Variants in IGF2BP3 observed in about 807,000 individuals in gnomAD.
IGF2BP3 encodes the protein insulin like growth factor 2 mRNA binding protein 3.
IGF2BP3 carries 9 observed loss-of-function variants against 73.8 expected under a neutral mutation model. The observed-to-expected ratio is 0.12, with a 90% CI of 0.07 to 0.21. IGF2BP3 has a LOEUF of 0.21. Ranked by LOEUF, IGF2BP3 falls within the 10% of genes least tolerant of loss-of-function variation. IGF2BP3 has a pLI of 1.00. For missense variants in IGF2BP3, 542 were observed against 714.0 expected (o/e 0.76, Z 2.75); for synonymous variants, 258 against 256.7 (o/e 1.01, Z -0.05).
intron 12 of IGF2BP3, among the ~76,000 whole-genome samples, chr7:23,316,798 T>C (rs187804488): frequency 2.0e-5 from 3 of 151,896 alleles, no homozygotes; most frequent in Admixed American, 2.0e-4. Context: ...GGAGAAATCA[T>C]ACACTAAAAG....
At chr7:23,388,752 G>A (rs773022524) in intron 3 of IGF2BP3, among the ~76,000 whole-genome samples, 7 of 151,662 alleles carry the variant, frequency 4.6e-5, no homozygotes, top group African/African-American at 7.3e-5. Flanking sequence ...AATCTCAAAT[G>A]TCTTTAGTTT....
At chr7:23,322,051 G>T (rs970989553) in intron 10 of IGF2BP3, among the ~76,000 whole-genome samples, 1 of 152,220 alleles carries the variant, frequency 6.6e-6, no homozygotes, top group Non-Finnish European at 1.5e-5. Flanking sequence ...TTCCTCACCA[G>T]CAACAGAGCA....
At chr7:23,411,427 C>A (rs552444977) in intron 3 of IGF2BP3, among the ~76,000 whole-genome samples, 1 of 152,170 alleles carries the variant, frequency 6.6e-6, no homozygotes, top group Admixed American at 6.6e-5. Flanking sequence ...ACTAAAAATA[C>A]AAAAATTATC....
chr7:23,440,454 T>G (rs1787905739), intron 2 of IGF2BP3, among the ~76,000 whole-genome samples: 1 of 152,158 alleles, frequency 6.6e-6, no homozygotes, highest in South Asian at 2.1e-4. Flanking sequence ...GCTTTATAAT[T>G]TGAAAAATCA....
chr7:23,463,596 C>A (rs1328147114), intron 2 of IGF2BP3, among the ~76,000 whole-genome samples: 3 of 152,256 alleles, frequency 2.0e-5, no homozygotes, highest in South Asian at 2.1e-4. Context: ...TGGCATCTGG[C>A]CTGAAAAGAG....
chr7:23,311,186 C>G lies in IGF2BP3; in HGVS notation c.*1176G>C, dbSNP rs1378542442. ...TAGTGAGGCTCATGACAGTGCTGGC[C>G]CCATGGAAATGTAGCCTTTTGTTGC... On this transcript the variant is annotated 3_prime_UTR_variant, in exon 15 of 15. Transcript: ENST00000258729. 1 of 151,914 alleles carries G rather than the reference C, an allele frequency of 6.6e-6. No homozygotes were observed. Among genetic ancestry groups the G allele is most frequent in the African/African-American group, 2.4e-5 (1 of 41,320 alleles). 9.4% of individuals were successfully genotyped at this position (151,914 alleles called of 1,614,324 possible). A position where few individuals can be genotyped will look rare whatever the true frequency, so the allele number is the denominator to read the frequency against.
intron 3 of IGF2BP3, among the ~76,000 whole-genome samples, chr7:23,395,096 C>A (rs1786408343): frequency 6.6e-6 from 1 of 152,146 alleles, no homozygotes; most frequent in Admixed American, 6.6e-5. Flanking sequence ...AATTTCACAG[C>A]CATAAGGAGC....
At chr7:23,432,828 T>C (rs547913088) in intron 2 of IGF2BP3, among the ~76,000 whole-genome samples, 1 of 152,300 alleles carries the variant, frequency 6.6e-6, no homozygotes, top group South Asian at 2.1e-4. Flanking sequence ...TTTCATAAGC[T>C]GTGGTTTCAC....
intron 2 of IGF2BP3, among the ~76,000 whole-genome samples, chr7:23,435,167 C>T (rs977321786): frequency 7.3e-5 from 11 of 151,352 alleles, no homozygotes; most frequent in East Asian, 4.0e-4. Context: ...GTGGCGGGTA[C>T]GTGTAGTCCC....
intron 2 of IGF2BP3, among the ~76,000 whole-genome samples, chr7:23,456,821 G>A (rs937543221): frequency 1.3e-5 from 2 of 151,742 alleles, no homozygotes; most frequent in South Asian, 2.1e-4. Flanking sequence ...AGGCCGCGGC[G>A]AGGGGATCAC....
At chr7:23,348,869 CAG>C (rs1300376592) in intron 6 of IGF2BP3, among the ~76,000 whole-genome samples, 1 of 152,134 alleles carries the variant, frequency 6.6e-6, no homozygotes, top group Non-Finnish European at 1.5e-5. Flanking sequence ...GGTTAAATAA[CAG>C]TATATTCATA....
chr7:23,460,869 T>G (rs897819170), intron 2 of IGF2BP3, among the ~76,000 whole-genome samples: 13 of 152,042 alleles, frequency 8.6e-5, no homozygotes, highest in Non-Finnish European at 1.6e-4. Context: ...GAGGACCTCT[T>G]GAACCCGGGA....
intron 2 of IGF2BP3, among the ~76,000 whole-genome samples, chr7:23,437,915 G>A (rs1336144371): frequency 6.6e-6 from 1 of 152,162 alleles, no homozygotes; most frequent in African/African-American, 2.4e-5. Context: ...TTTAACCAAA[G>A]TCAAAACGCA....
At position 23,324,247 on chromosome 7, in the gene IGF2BP3, C is replaced by T. The variant is rs1364720260; in HGVS notation, c.1204-4993G>A. On this transcript the variant is annotated intron_variant, in intron 10 of 14. Coordinates refer to ENST00000258729, the MANE Select transcript of IGF2BP3 (RefSeq NM_006547.3). ...AAAATGATAAAGGGGATATCACCAC[C>T]GATCCCACAGAAATACAAACTACCA... Among the ~76,000 whole-genome samples the T allele has an allele frequency of 1.1e-3, 169 of 150,332 alleles. No individual in the cohort carries two copies. In the East Asian group the frequency reaches 0.021, roughly 19 times the overall value.
chr7:23,349,454 C>A (rs7796541), intron 6 of IGF2BP3, among the ~76,000 whole-genome samples: 55,452 of 152,014 alleles, frequency 0.36, 10,327 homozygotes, highest in Middle Eastern at 0.45. Flanking sequence ...GAGTCATCTT[C>A]CCGGCTGCTG....
intron 9 of IGF2BP3, among the ~76,000 whole-genome samples, chr7:23,342,990 T>C (rs916229427): frequency 1.2e-4 from 18 of 152,328 alleles, no homozygotes; most frequent in African/African-American, 3.8e-4. Flanking sequence ...AGGTTTTGTG[T>C]TTCAGATGAC....
chr7:23,311,588 G>A lies in IGF2BP3; in HGVS notation c.*774C>T, dbSNP rs146026039. On this transcript the variant is annotated 3_prime_UTR_variant, in exon 15 of 15. Coordinates refer to ENST00000258729, the MANE Select transcript of IGF2BP3 (RefSeq NM_006547.3). ...TGAACATTTGATTTAACTAATAACT[G>A]TGTCAAAAGCCTCAAAAAACCCTGA... 1 of 152,324 alleles carries A rather than the reference G, an allele frequency of 6.6e-6. No homozygotes were observed. Among genetic ancestry groups the A allele is most frequent in the East Asian group, 1.9e-4 (1 of 5,190 alleles). The allele number at this position is 152,324 out of a possible 1,614,324, so 9.4% of individuals were successfully genotyped here.
intron 3 of IGF2BP3, among the ~76,000 whole-genome samples, chr7:23,390,488 G>C (rs761091874): frequency 2.0e-5 from 3 of 152,170 alleles, no homozygotes; most frequent in Admixed American, 6.5e-5. Flanking sequence ...GGAAAGCAAA[G>C]AGTGCCGCTA....
At chr7:23,356,404 A>T (rs958825916) in intron 5 of IGF2BP3, among the ~76,000 whole-genome samples, 1 of 152,044 alleles carries the variant, frequency 6.6e-6, no homozygotes, top group South Asian at 2.1e-4. Context: ...CAAAAAAAAA[A>T]AAATTAGCTG....
Sources: gnomAD v4.1 joint callset for allele counts (sites outside exome capture counted in the v4.1 genomes callset) on GRCh38, gnomAD v4.1.1 for gene constraint, MANE v1.5 for transcripts, NCBI Gene and HGNC (gene_info 2026-07-23, HGNC 2026-07-21) for gene names.